The following CDH22 variants were observed in gnomAD, a reference collection of about 807,000 sequenced individuals.
The protein encoded by CDH22 is cadherin 22.
Under a neutral mutation model 58.4 loss-of-function variants are expected in CDH22, and 30 were observed. The observed-to-expected ratio is 0.51, with a 90% CI of 0.38 to 0.70. The LOEUF is 0.70. Ranked by LOEUF, CDH22 falls within the 30% of genes least tolerant of loss-of-function variation. The probability of loss-of-function intolerance (pLI) is 0.00; values close to 1 mark genes in which losing one functional copy is unlikely to be tolerated. For missense variants in CDH22, 1,014 were observed against 1,233.9 expected (o/e 0.82, Z 2.67); for synonymous variants, 513 against 558.2 (o/e 0.92, Z 1.14).
chr20:46,180,988 G>C lies in CDH22; in HGVS notation c.1664-2791C>G, dbSNP rs1236918678. Among the ~76,000 whole-genome samples, 3 of 149,576 alleles carry C rather than the reference G, an allele frequency of 2.0e-5. No homozygotes were observed. In the Admixed American group the frequency reaches 2.0e-4, roughly 10 times the overall value. ...TGTACAGATGAGGTCTCATTGTATT[G>C]TCTAGGCTGGTCTCGAACTCCTGGG... On this transcript the variant is annotated intron_variant, in intron 10 of 11. Coordinates refer to ENST00000537909, the MANE Select transcript of CDH22 (RefSeq NM_021248.3).
intron 1 of CDH22, among the ~76,000 whole-genome samples, chr20:46,270,458 G>A (rs958108130): frequency 1.3e-5 from 2 of 152,156 alleles, no homozygotes; most frequent in African/African-American, 4.8e-5. Flanking sequence ...AAGCGATAGA[G>A]CTGGCAGATA....
At chr20:46,257,611 T>C (rs1250703205) in intron 1 of CDH22, among the ~76,000 whole-genome samples, 1 of 152,200 alleles carries the variant, frequency 6.6e-6, no homozygotes, top group Non-Finnish European at 1.5e-5. Context: ...GATCAGGAAC[T>C]GACCTTGATG....
chr20:46,176,912 G>T (rs2085744239), intron 11 of CDH22, among the ~76,000 whole-genome samples: 1 of 152,228 alleles, frequency 6.6e-6, no homozygotes, highest in Admixed American at 6.5e-5. Context: ...GCACTGATGT[G>T]CACTTTCTTC....
chr20:46,265,121 A>C (rs1433588543), intron 1 of CDH22, among the ~76,000 whole-genome samples: 1 of 152,114 alleles, frequency 6.6e-6, no homozygotes, highest in Non-Finnish European at 1.5e-5. Context: ...GCTGTTTTAC[A>C]CCGCGCCCTG....
At chr20:46,175,126 C>T (rs1430504268) in intron 11 of CDH22, 49 bp from the exon 12 acceptor site, 1 of 1,550,682 alleles carries the variant, frequency 6.4e-7, no homozygotes, top group African/African-American at 1.4e-5. Flanking sequence ...CCTCCCAGGG[C>T]ATTAGAAGGA....
Position 46,216,986 on chromosome 20 carries a change from G to T in CDH22, c.678C>A (p.Ile226=). Reference sequence around the variant, plus strand: ...GGTCAAGGTCAGGCACAGCCGTCCGGATTACGCCTGTGGGTGAGTGAGGGT... The same window carrying T: ...GGTCAAGGTCAGGCACAGCCGTCCGTATTACGCCTGTGGGTGAGTGAGGGT... ...HFTVDPKTGV[I]RTAVPDLDRE... is the part of the protein sequence containing the mutation. Residue 226 remains isoleucine (I), a synonymous_variant, in exon 5 of 12, where the codon ATC becomes ATA. Transcript: ENST00000537909. This position sits in a 1 kb window ranked among gnomAD's most constrained non-coding sequence, Gnocchi z 5.3. The T allele has an allele frequency of 6.3e-7, 1 of 1,590,032 alleles. No individual in the cohort carries two copies.
At position 46,241,470 on chromosome 20, in the gene CDH22, A is replaced by C. The variant is rs945973837; in HGVS notation, c.256-213T>G. On this transcript the variant is annotated intron_variant, in intron 2 of 11. Transcript: ENST00000537909. This position sits in a 1 kb window ranked among gnomAD's most constrained non-coding sequence, Gnocchi z 5.2. ...CCGCTGGGGCCCTCCCTGCCCCTGGACTCTGCTTTCCCCTCTGCATTCAGA... is the reference window on the plus strand; with the variant it reads ...CCGCTGGGGCCCTCCCTGCCCCTGGCCTCTGCTTTCCCCTCTGCATTCAGA... Among the ~76,000 whole-genome samples the C allele has an allele frequency of 1.3e-5, 2 of 151,942 alleles. No individual in the cohort carries two copies. The highest frequency in any genetic ancestry group is 4.8e-5 in the African/African-American group (2 of 41,358).
rs191055584 is a variant in CDH22, at chr20:46,225,133, G to T, written c.670+2375C>A. Among the ~76,000 whole-genome samples the T allele has an allele frequency of 1.5e-3, 223 of 152,336 alleles. 1 individual carries two copies. The highest frequency in any genetic ancestry group is 8.4e-4 in the Non-Finnish European group (57 of 68,038). ...TGGATACTCTCACACGTGGCTCACG[G>T]GAGTGTCGTCTGGTACATTTCGGCA... On this transcript the variant is annotated intron_variant, in intron 4 of 11. Transcript: ENST00000537909.
intron 1 of CDH22, among the ~76,000 whole-genome samples, chr20:46,298,016 T>A (rs2086636337): frequency 6.6e-6 from 1 of 152,008 alleles, no homozygotes; most frequent in South Asian, 2.1e-4. Context: ...TCCACAAATG[T>A]CCCACTCTGC....
At chr20:46,239,465 T>G (rs1460829774) in intron 3 of CDH22, among the ~76,000 whole-genome samples, 2 of 152,194 alleles carry the variant, frequency 1.3e-5, no homozygotes, top group East Asian at 3.8e-4. Flanking sequence ...CACCATTCTC[T>G]CTGGTTCACC....
chr20:46,177,046 C>A (rs893330459), intron 11 of CDH22, among the ~76,000 whole-genome samples: 5 of 152,182 alleles, frequency 3.3e-5, no homozygotes, highest in African/African-American at 1.2e-4. Context: ...AGGGGGACCT[C>A]CCAACTATGA....
intron 1 of CDH22, among the ~76,000 whole-genome samples, chr20:46,271,276 C>A (rs982942342): frequency 6.6e-6 from 1 of 152,174 alleles, no homozygotes; most frequent in Admixed American, 6.5e-5. Context: ...CTCTTTGCAA[C>A]AGAGGAAATG....
At chr20:46,250,732 GTA>G (rs1015119376) in intron 2 of CDH22, among the ~76,000 whole-genome samples, 8 of 152,216 alleles carry the variant, frequency 5.3e-5, no homozygotes, top group African/African-American at 1.7e-4. Context: ...AGCAGCTAGA[GTA>G]TGTGTGTGAG....
At chr20:46,276,571 A>G (rs1294637437) in intron 1 of CDH22, among the ~76,000 whole-genome samples, 2 of 152,208 alleles carry the variant, frequency 1.3e-5, no homozygotes, top group East Asian at 1.9e-4. Context: ...TCCAGGTTCT[A>G]TCTCCTTTAA....
At chr20:46,290,109 G>C (rs1017673056) in intron 1 of CDH22, among the ~76,000 whole-genome samples, 7 of 152,204 alleles carry the variant, frequency 4.6e-5, no homozygotes, top group Non-Finnish European at 1.0e-4. Context: ...TTTTGAGAAT[G>C]GGTCAAGAAA....
intron 5 of CDH22, among the ~76,000 whole-genome samples, chr20:46,213,389 A>C (rs188397557): frequency 1.3e-4 from 20 of 152,282 alleles, no homozygotes; most frequent in African/African-American, 4.8e-4. Context: ...AGGAGGGTTT[A>C]AATTCTGACC....
intron 2 of CDH22, among the ~76,000 whole-genome samples, chr20:46,245,867 G>A (rs1224462558): frequency 1.3e-5 from 2 of 149,844 alleles, no homozygotes; most frequent in Admixed American, 1.3e-4. Flanking sequence ...TCGTGTAGAT[G>A]GGCAAACTGA....
At chr20:46,301,192 C>T (rs1011601479) in intron 1 of CDH22, among the ~76,000 whole-genome samples, 6 of 151,916 alleles carry the variant, frequency 3.9e-5, no homozygotes, top group Non-Finnish European at 7.4e-5. Flanking sequence ...TACATATATA[C>T]ATATATATAA....
chr20:46,278,245 C>T, intron 1 of CDH22, among the ~76,000 whole-genome samples: 1 of 152,212 alleles, frequency 6.6e-6, no homozygotes. Context: ...TGCTGGCCAC[C>T]AGCCCAGCCT....
Sources: gnomAD v4.1 joint callset for allele counts (sites outside exome capture counted in the v4.1 genomes callset) on GRCh38, gnomAD v4.1.1 for gene constraint, Gnocchi (gnomAD v3.1) non-coding constraint, MANE v1.5 for transcripts, NCBI Gene and HGNC (gene_info 2026-07-23, HGNC 2026-07-21) for gene names.